The following CUX1 variants were observed in gnomAD, a reference collection of about 807,000 sequenced individuals.
The protein encoded by CUX1 is protein CASP.
CUX1 carries 31 observed loss-of-function variants against 158.8 expected under a neutral mutation model. The observed-to-expected ratio is 0.20, with a 90% CI of 0.15 to 0.26. The LOEUF (loss-of-function observed/expected upper bound fraction) is 0.26. Ranked by LOEUF, CUX1 falls within the 10% of genes least tolerant of loss-of-function variation. The pLI, the probability that CUX1 is intolerant of heterozygous loss-of-function variation, is 1.00. For missense variants in CUX1, 1,589 were observed against 2,014.6 expected (o/e 0.79, Z 4.04); for synonymous variants, 879 against 862.1 (o/e 1.02, Z -0.34).
At position 102,234,062 on chromosome 7, in the gene CUX1, A is replaced by C; in HGVS notation, c.3444A>C (p.Leu1148Phe). ...CTGTTTTCTCTCTAGGCCAGCGCTT[A>C]TTTGGGGAGACCATCTTAGGGCTCA... The part of the protein sequence containing the change: ...VLTDNNLGQR[L>F]FGETILGLTQ... Residue 1148 changes from leucine to phenylalanine, a missense_variant, in exon 22 of 24, where the codon TTA (leucine) becomes TTC (phenylalanine). Transcript: ENST00000292535. 1 of 1,537,806 alleles carries C rather than the reference A, an allele frequency of 6.5e-7. No homozygotes were observed. Among genetic ancestry groups the C allele is most frequent in the Non-Finnish European group, 8.7e-7 (1 of 1,145,514 alleles).
At chr7:101,995,527 G>A (rs1286289250) in intron 2 of CUX1, among the ~76,000 whole-genome samples, 2 of 152,224 alleles carry the variant, frequency 1.3e-5, no homozygotes, top group East Asian at 3.8e-4. Flanking sequence ...TAAACATGGT[G>A]GGAACTTAGC....
intron 7 of CUX1, 199 bp downstream of exon 7, chr7:102,111,973 A>G (rs1830938873): frequency 3.6e-5 from 20 of 555,392 alleles, no homozygotes; most frequent in Middle Eastern, 9.5e-4. Flanking sequence ...TGAGTTGTTA[A>G]TGTAGAGGTG....
chr7:102,099,827 T>C (rs1362933528), intron 5 of CUX1, among the ~76,000 whole-genome samples: 2 of 152,078 alleles, frequency 1.3e-5, no homozygotes, highest in African/African-American at 2.4e-5. Flanking sequence ...CCTTCCCTTC[T>C]CCTTCTATCA....
chr7:102,179,573 C>T (rs781983682), intron 11 of CUX1, among the ~76,000 whole-genome samples: 1 of 152,246 alleles, frequency 6.6e-6, no homozygotes, highest in South Asian at 2.1e-4. Context: ...CCACTAGGCA[C>T]TCTTGGCTTT....
In CUX1 at chr7:102,257,148, G is replaced by C. The variant is rs2132708650; in HGVS notation, c.*8106G>C. The C allele has an allele frequency of 1.0e-6, 1 of 985,320 alleles. No homozygotes were observed. The highest frequency in any genetic ancestry group is 1.7e-5 in the African/African-American group (1 of 57,324). 61.0% of individuals were successfully genotyped at this position (985,320 alleles called of 1,614,324 possible). On this transcript the variant is annotated 3_prime_UTR_variant, in exon 24 of 24. Transcript: ENST00000292535. The stretch of plus-strand genomic sequence containing the variant: ...CCCAGCAGAAGGAAACTTACCCCAG[G>C]CCAAGGCAAGGGCCCTGCTCACCCC...
chr7:102,033,984 A>G (rs1316320005), intron 3 of CUX1, among the ~76,000 whole-genome samples: 2 of 151,830 alleles, frequency 1.3e-5, no homozygotes, highest in Non-Finnish European at 2.9e-5. Flanking sequence ...CATCTCTACT[A>G]AAAATATAAA....
intron 8 of CUX1, among the ~76,000 whole-genome samples, chr7:102,141,829 C>T (rs1354249812): frequency 2.4e-5 from 3 of 124,670 alleles, no homozygotes; most frequent in Non-Finnish European, 3.2e-5. Context: ...TTAGTAGAGA[C>T]GGGGTTTCTC....
At chr7:102,070,494 T>G (rs761004953) in intron 4 of CUX1, 77 bp downstream of exon 4, 10 of 1,111,544 alleles carry the variant, frequency 9.0e-6, no homozygotes, top group African/African-American at 1.6e-5. Flanking sequence ...CTCATTCTTC[T>G]TGGCTTTCCT....
intron 2 of CUX1, among the ~76,000 whole-genome samples, chr7:102,003,240 C>T (rs1374691854): frequency 2.0e-5 from 3 of 149,272 alleles, no homozygotes; most frequent in African/African-American, 7.4e-5. Flanking sequence ...CCACAAGGGG[C>T]GGGGGTCTCT....
chr7:101,945,871 G>A (rs1302195784), intron 2 of CUX1, among the ~76,000 whole-genome samples: 1 of 152,218 alleles, frequency 6.6e-6, no homozygotes, highest in African/African-American at 2.4e-5. Context: ...GGCAGGAAGA[G>A]TTCTAGCTGT....
chr7:101,944,617 C>A (rs1355899592), intron 2 of CUX1, among the ~76,000 whole-genome samples: 1 of 152,156 alleles, frequency 6.6e-6, no homozygotes, highest in Admixed American at 6.5e-5. Context: ...ACCCAGGAGC[C>A]GGAATTTTTC....
intron 2 of CUX1, among the ~76,000 whole-genome samples, chr7:101,962,567 C>T (rs1218103252): frequency 5.3e-5 from 8 of 152,110 alleles, no homozygotes; most frequent in Non-Finnish European, 1.0e-4. Flanking sequence ...AATGCAGATA[C>T]GTGTGCCCCT....
chr7:102,144,970 C>T (rs1834868881), intron 8 of CUX1, among the ~76,000 whole-genome samples: 1 of 151,500 alleles, frequency 6.6e-6, no homozygotes, highest in African/African-American at 2.4e-5. Flanking sequence ...CACCTGTAGT[C>T]CCAGCTACTC....
intron 2 of CUX1, among the ~76,000 whole-genome samples, chr7:101,968,008 G>C (rs1331756750): frequency 6.6e-6 from 1 of 152,044 alleles, no homozygotes; most frequent in Non-Finnish European, 1.5e-5. Context: ...GGTTCAAGCA[G>C]CTCCCCCTGC....
At chr7:102,282,316 T>C (rs1292970753) in intron 21 of CUX1, among the ~76,000 whole-genome samples, 2 of 152,146 alleles carry the variant, frequency 1.3e-5, no homozygotes, top group African/African-American at 4.8e-5. Context: ...GGTGGCGTTC[T>C]AGTTAGCGGA....
intron 4 of CUX1, among the ~76,000 whole-genome samples, chr7:102,093,004 C>T (rs1342442461): frequency 6.6e-6 from 1 of 151,814 alleles, no homozygotes; most frequent in Non-Finnish European, 1.5e-5. Context: ...CATCTGGTCT[C>T]CTGCCTTGCG....
chr7:102,234,832 T>C (rs191672536), intron 22 of CUX1, among the ~76,000 whole-genome samples: 5 of 151,306 alleles, frequency 3.3e-5, no homozygotes, highest in African/African-American at 1.2e-4. Flanking sequence ...CTTGGGAGGC[T>C]GAGGCACAAG....
intron 10 of CUX1, among the ~76,000 whole-genome samples, chr7:102,171,122 C>A (rs2131694003): frequency 6.6e-6 from 1 of 152,278 alleles, no homozygotes; most frequent in East Asian, 1.9e-4. Flanking sequence ...CCAGCTCGAT[C>A]AAGGTGGCTT....
At chr7:102,233,944 C>A in intron 21 of CUX1, 108 bp from the exon 22 acceptor site, 2 of 862,794 alleles carry the variant, frequency 2.3e-6, no homozygotes, top group Non-Finnish European at 3.3e-6. Flanking sequence ...CCAGCCCAAC[C>A]CTGAGCCTTT....
Sources: gnomAD v4.1 joint callset for allele counts (sites outside exome capture counted in the v4.1 genomes callset) on GRCh38, gnomAD v4.1.1 for gene constraint, MANE v1.5 for transcripts, NCBI Gene and HGNC (gene_info 2026-07-23, HGNC 2026-07-21) for gene names.